PDE6D: variants seen among roughly 807,000 people sequenced by gnomAD.
PDE6D encodes phosphodiesterase 6D, also known as retinal rod rhodopsin-sensitive cGMP 3',5'-cyclic phosphodiesterase subunit delta.
A neutral mutation model predicts 21.9 loss-of-function variants in PDE6D; 10 were observed. The ratio of observed to expected loss-of-function variants is 0.46; its 90% CI spans 0.28 to 0.78. The LOEUF (loss-of-function observed/expected upper bound fraction) is 0.78. PDE6D is among the 30% of genes least tolerant of loss of function. PDE6D has a pLI of 0.12. For missense variants in PDE6D, 139 were observed against 184.8 expected (o/e 0.75, Z 1.44); for synonymous variants, 59 against 63.5 (o/e 0.93, Z 0.34).
chr2:231,755,802 C>A (rs2048878658), intron 1 of PDE6D, among the ~76,000 whole-genome samples: 2 of 152,152 alleles, frequency 1.3e-5, no homozygotes, highest in South Asian at 4.1e-4. Context: ...TGCCCGTAAT[C>A]CCAGCTACTT....
intron 1 of PDE6D, among the ~76,000 whole-genome samples, chr2:231,769,058 G>A (rs895103574): frequency 6.6e-6 from 1 of 151,870 alleles, no homozygotes; most frequent in African/African-American, 2.4e-5. Context: ...TAGTGGTGAC[G>A]GGGTTTCATC....
chr2:231,766,779 G>A (rs2048974373), intron 1 of PDE6D, among the ~76,000 whole-genome samples: 1 of 152,066 alleles, frequency 6.6e-6, no homozygotes, highest in Non-Finnish European at 1.5e-5. Flanking sequence ...GATCATCTGA[G>A]GTCAGGGGGA....
intron 1 of PDE6D, among the ~76,000 whole-genome samples, chr2:231,757,485 A>T (rs899034601): frequency 1.3e-5 from 2 of 152,014 alleles, no homozygotes; most frequent in Admixed American, 6.5e-5. Flanking sequence ...TTTAGTAGAG[A>T]CAGGGTTTCA....
chr2:231,742,640 T>C (rs1019105077), intron 1 of PDE6D, among the ~76,000 whole-genome samples: 1 of 152,196 alleles, frequency 6.6e-6, no homozygotes, highest in Non-Finnish European at 1.5e-5. Flanking sequence ...ATGTATAATA[T>C]AGATATAGTT....
rs924658489 is a variant in PDE6D at position 231,781,168 on chromosome 2, G to A, written c.-54C>T. ...TCACTCTGGTCGGCGGAGCCTCGCA[G>A]ACGGTGCCCAGGAGCCGAGGATGGA... On this transcript the variant is annotated 5_prime_UTR_variant, in exon 1 of 5. Coordinates refer to ENST00000287600, the MANE Select transcript of PDE6D (RefSeq NM_002601.4). 1.9e-6 allele frequency: 3 copies of A among 1,580,984 alleles called. No homozygotes were observed. The highest frequency in any genetic ancestry group is 1.3e-5 in the African/African-American group (1 of 74,400).
Position 231,748,801 on chromosome 2 carries a change from C to T in PDE6D, c.51-9613G>A, listed in dbSNP as rs373732804. Among the ~76,000 whole-genome samples the T allele has an allele frequency of 8.7e-4, 132 of 152,332 alleles. 2 individuals are homozygous for T. In the South Asian group the frequency reaches 0.018, roughly 21 times the overall value. Reference sequence around the variant, plus strand: ...GTGGCTAAAAGGGGCCAATGTACAGCTCGGGCTGTGGCTTCAGAGGGTGGA... The same window carrying T: ...GTGGCTAAAAGGGGCCAATGTACAGTTCGGGCTGTGGCTTCAGAGGGTGGA... On this transcript the variant is annotated intron_variant, in intron 1 of 4. Transcript: ENST00000287600.
At chr2:231,771,080 A>ATT (rs778060007) in intron 1 of PDE6D, among the ~76,000 whole-genome samples, 1 of 142,602 alleles carries the variant, frequency 7.0e-6, no homozygotes, top group African/African-American at 2.5e-5. Flanking sequence ...GAGCTGAGAA[A>ATT]TTTTTTTTTT....
chr2:231,744,125 T>C (rs894628867), intron 1 of PDE6D, among the ~76,000 whole-genome samples: 1 of 152,090 alleles, frequency 6.6e-6, no homozygotes, highest in Non-Finnish European at 1.5e-5. Flanking sequence ...CTAGCAAAAC[T>C]AGAAAAGTCC....
chr2:231,764,703 T>C (rs1229401169), intron 1 of PDE6D, among the ~76,000 whole-genome samples: 2 of 152,196 alleles, frequency 1.3e-5, no homozygotes, highest in Non-Finnish European at 2.9e-5. Context: ...TCCAAAGTGT[T>C]GTTTGTTACA....
At chr2:231,742,561 A>C (rs2048759217) in intron 1 of PDE6D, among the ~76,000 whole-genome samples, 1 of 152,242 alleles carries the variant, frequency 6.6e-6, no homozygotes, top group South Asian at 2.1e-4. Context: ...AATTAACATT[A>C]TGCAAGCACA....
intron 1 of PDE6D, among the ~76,000 whole-genome samples, chr2:231,765,412 G>T (rs2048962085): frequency 1.3e-5 from 2 of 152,156 alleles, no homozygotes. Context: ...TCAGTCAGCT[G>T]AATTGCAAGT....
intron 1 of PDE6D, chr2:231,778,618 G>A (rs1233495057): frequency 6.6e-6 from 1 of 152,188 alleles, no homozygotes; most frequent in Non-Finnish European, 1.5e-5. Context: ...CCATGAGATA[G>A]GTACTATTAT....
At chr2:231,774,227 C>T (rs1454948918) in intron 1 of PDE6D, among the ~76,000 whole-genome samples, 1 of 152,152 alleles carries the variant, frequency 6.6e-6, no homozygotes, top group Admixed American at 6.5e-5. Context: ...ACCACTATAC[C>T]TGGCCTGTCA....
Position 231,739,172 on chromosome 2 carries a change from G to A in PDE6D, c.67C>T (p.Arg23Trp), listed in dbSNP as rs570163390. 2.5e-6 allele frequency: 4 copies of A among 1,610,672 alleles called. No individual in the cohort carries two copies. The highest frequency in any genetic ancestry group is 1.1e-5 in the South Asian group (1 of 91,020). The change falls in exon 2 of 5, where the codon CGG becomes TGG. Residue 23 changes from arginine (R) to tryptophan (W), a missense_variant. Transcript: ENST00000287600. This position sits in a 1 kb window ranked among gnomAD's most constrained non-coding sequence, Gnocchi z 4.2. Reference protein sequence around the residue: ...RGFKLNWMNLRDAETGKILWQ... With the variant: ...RGFKLNWMNLWDAETGKILWQ... ...AGTATCTTCCCTGTCTCAGCATCCC[G>A]AAGGTTCATCCAATTTCTGATCAAA...
At chr2:231,779,549 A>G (rs922740655) in intron 1 of PDE6D, 2 of 152,266 alleles carry the variant, frequency 1.3e-5, no homozygotes, top group African/African-American at 2.4e-5. Context: ...AGATGTTAAT[A>G]GTATAAATTA....
In PDE6D at chr2:231,737,254, T is replaced by G. The variant is rs2106260506; in HGVS notation, c.304A>C (p.Thr102Pro). 3.1e-6 allele frequency: 5 copies of G among 1,613,130 alleles called. No homozygotes were observed. The highest frequency in any genetic ancestry group is 2.5e-6 in the Non-Finnish European group (3 of 1,179,152). ...FEFGFVIPNSTNTWQSLIEAA... is the reference protein window; with the variant it reads ...FEFGFVIPNSPNTWQSLIEAA... ...TCTATCAAGGACTGCCAGGTATTTG[T>G]GGAGTTAGGGATCACAAAGCCAAAC... Residue 102 changes from threonine (T) to proline (P), a missense_variant, in exon 4 of 5, where the codon ACA becomes CCA. Thr to Pro is a conservative substitution (Grantham distance 38). Coordinates refer to ENST00000287600, the MANE Select transcript of PDE6D (RefSeq NM_002601.4).
chr2:231,770,553 A>C (rs2106285301), intron 1 of PDE6D, among the ~76,000 whole-genome samples: 1 of 152,284 alleles, frequency 6.6e-6, no homozygotes, highest in East Asian at 1.9e-4. Context: ...ATGGTGGCTC[A>C]TGTCTGTTAA....
intron 1 of PDE6D, among the ~76,000 whole-genome samples, chr2:231,769,569 TACAC>T (rs2048999441): frequency 6.6e-6 from 1 of 151,348 alleles, no homozygotes. Flanking sequence ...TATATACACA[TACAC>T]ACACAGATAT....
chr2:231,750,481 CTTTTTTTTTT>C (rs34007857), intron 1 of PDE6D, among the ~76,000 whole-genome samples: 2 of 133,562 alleles, frequency 1.5e-5, no homozygotes. Context: ...ATCCATATCA[CTTTTTTTTTT>C]TTTTTTTTTT....
Sources: allele counts gnomAD v4.1 joint callset (sites outside exome capture counted in the v4.1 genomes callset), GRCh38; gene constraint gnomAD v4.1.1; non-coding constraint Gnocchi (gnomAD v3.1); transcripts MANE v1.5; gene names NCBI Gene and HGNC (gene_info 2026-07-23, HGNC 2026-07-21).